Variants in CLINT1 observed in about 807,000 individuals in gnomAD.
CLINT1 encodes the protein clathrin interacting protein localized in the trans-Golgi region.
CLINT1 carries 15 observed loss-of-function variants against 70.4 expected under a neutral mutation model. The observed-to-expected ratio is 0.21, with a 90% CI of 0.14 to 0.33. The LOEUF is 0.33. CLINT1 is among the 10% of genes least tolerant of loss of function. The probability of loss-of-function intolerance (pLI) is 1.00; values close to 1 mark genes in which losing one functional copy is unlikely to be tolerated. For synonymous variants in CLINT1, 227 were observed against 254.7 expected (o/e 0.89, Z 1.04); for missense variants, 615 against 778.1 (o/e 0.79, Z 2.49).
intron 9 of CLINT1, among the ~76,000 whole-genome samples, chr5:157,794,073 T>C (rs1761997990): frequency 6.6e-6 from 1 of 151,560 alleles, no homozygotes; most frequent in African/African-American, 2.4e-5. Flanking sequence ...TAAAAAAAAA[T>C]AAAAAAGACA....
intron 3 of CLINT1, among the ~76,000 whole-genome samples, chr5:157,814,761 C>A (rs1414561745): frequency 6.6e-6 from 1 of 152,016 alleles, no homozygotes; most frequent in Non-Finnish European, 1.5e-5. Context: ...CCAGGCTCAG[C>A]GGCTCATGCC....
rs564079470 is a variant in CLINT1 at position 157,830,545 on chromosome 5, CT to C, written c.42-12999del. On this transcript the variant is annotated intron_variant, in intron 1 of 11. Transcript: ENST00000411809. ...TGCTTCACACTGCTTTTTAAAAATACTGTACTTCAAAAACATGGGTTTTTGT... is the reference window on the plus strand; with the variant it reads ...TGCTTCACACTGCTTTTTAAAAATACGTACTTCAAAAACATGGGTTTTTGT... Among the ~76,000 whole-genome samples, 359 of 152,014 alleles carry C rather than the reference CT, an allele frequency of 2.4e-3. 1 individual carries two copies. The highest frequency in any genetic ancestry group is 8.4e-3 in the African/African-American group (347 of 41,448).
chr5:157,831,895 T>G (rs1316015181), intron 1 of CLINT1, among the ~76,000 whole-genome samples: 2 of 151,986 alleles, frequency 1.3e-5, no homozygotes, highest in East Asian at 3.9e-4. Flanking sequence ...TTGCACCACG[T>G]TGGCCGGGAT....
chr5:157,858,467 C>T (rs546245591), intron 1 of CLINT1, among the ~76,000 whole-genome samples: 1 of 152,258 alleles, frequency 6.6e-6, no homozygotes, highest in African/African-American at 2.4e-5. Context: ...AAAGACACAC[C>T]CCAACCAGGT....
chr5:157,792,865 G>T (rs950027756), intron 9 of CLINT1, among the ~76,000 whole-genome samples: 2 of 152,150 alleles, frequency 1.3e-5, no homozygotes, highest in African/African-American at 4.8e-5. Flanking sequence ...AAAATGTGAA[G>T]AAAGAGCTAC....
intron 6 of CLINT1, among the ~76,000 whole-genome samples, chr5:157,807,248 A>G (rs1390658550): frequency 1.1e-4 from 16 of 152,130 alleles, no homozygotes; most frequent in Admixed American, 1.0e-3. Flanking sequence ...ATATATTTTT[A>G]TATATAAACA....
chr5:157,807,858 A>T (rs1762432879), intron 6 of CLINT1, among the ~76,000 whole-genome samples: 1 of 152,096 alleles, frequency 6.6e-6, no homozygotes, highest in Admixed American at 6.5e-5. Context: ...ACCAGCCTAC[A>T]TAGCGTTATT....
At chr5:157,802,138 G>A (rs1323099000) in intron 8 of CLINT1, among the ~76,000 whole-genome samples, 9 of 151,892 alleles carry the variant, frequency 5.9e-5, no homozygotes, top group African/African-American at 1.5e-4. Flanking sequence ...CAGGTGATCC[G>A]CCTGCCTCGG....
At chr5:157,790,729 A>G (rs1351174319) in intron 10 of CLINT1, 1 of 427,754 alleles carries the variant, frequency 2.3e-6, no homozygotes. Flanking sequence ...AGTTCCTGGT[A>G]CCATTCAGAC....
intron 1 of CLINT1, among the ~76,000 whole-genome samples, chr5:157,827,548 A>AT (rs1763078367): frequency 6.6e-6 from 1 of 152,230 alleles, no homozygotes; most frequent in Admixed American, 6.5e-5. Flanking sequence ...CTTGATCGCT[A>AT]TTAAACATGA....
Position 157,786,846 on chromosome 5 carries a change from C to T in CLINT1, c.*800G>A, listed in dbSNP as rs2113110500. 1 of 152,254 alleles carries T rather than the reference C, an allele frequency of 6.6e-6. No individual in the cohort carries two copies. The highest frequency in any genetic ancestry group is 1.5e-5 in the Non-Finnish European group (1 of 68,002). 9.4% of individuals were successfully genotyped at this position (152,254 alleles called of 1,614,324 possible). ...TACAGGGATAAACACGGAAGGAAGCCTTGCCAAGTTAATCACTGCAAATTG... is the reference window on the plus strand; with the variant it reads ...TACAGGGATAAACACGGAAGGAAGCTTTGCCAAGTTAATCACTGCAAATTG... On this transcript the variant is annotated 3_prime_UTR_variant, in exon 12 of 12. Transcript: ENST00000411809.
chr5:157,791,845 G>A lies in CLINT1; in HGVS notation c.1238C>T (p.Pro413Leu). 6.2e-7 allele frequency: 1 copy of A among 1,613,976 alleles called. No homozygotes were observed. Among genetic ancestry groups the A allele is most frequent in the South Asian group, 1.1e-5 (1 of 91,080 alleles). ...LVSGSQSALG[P>L]PPAASNSSDL... ...TGAAGAATTTGAGGCAGCAGGAGGT[G>A]GGCCTAGAGCTGATTGTGAGCCACT... Residue 413 changes from proline to leucine, a missense_variant, in exon 10 of 12, where the codon CCA becomes CTA. Physicochemically the swap from Pro to Leu is moderately conservative, Grantham distance 98 (BLOSUM62 -3). Coordinates refer to ENST00000411809, the MANE Select transcript of CLINT1 (RefSeq NM_014666.4).
chr5:157,830,792 C>A (rs867197279), intron 1 of CLINT1, among the ~76,000 whole-genome samples: 3,995 of 115,756 alleles, frequency 0.035, 98 homozygotes, highest in Admixed American at 0.065. Context: ...CTCTCTCTCT[C>A]TCTCTATATA....
chr5:157,833,016 C>T (rs1477869804), intron 1 of CLINT1, among the ~76,000 whole-genome samples: 1 of 152,108 alleles, frequency 6.6e-6, no homozygotes, highest in Non-Finnish European at 1.5e-5. Context: ...TGAAACTGAG[C>T]TCCTATTTTA....
chr5:157,787,673 A>G lies in CLINT1; in HGVS notation c.1851T>C (p.Phe617=). 1 of 1,613,008 alleles carries G rather than the reference A, an allele frequency of 6.2e-7. No individual in the cohort carries two copies. Among genetic ancestry groups the G allele is most frequent in the Non-Finnish European group, 8.5e-7 (1 of 1,179,412 alleles). The change falls in exon 12 of 12, where the codon TTT becomes TTC. Residue 617 remains phenylalanine, a synonymous_variant. Transcript: ENST00000411809. ...SGTVQPKQDA[F]ANFANFSK ...ATTTGCTAAAATTGGCGAAATTTGC[A>G]AAGGCATCTTGCTTGGGTTGCACAG...
rs139466673 is a variant in CLINT1, at chr5:157,804,714, C to T, written c.943-995G>A. On this transcript the variant is annotated intron_variant, in intron 7 of 11. Transcript: ENST00000411809. The stretch of plus-strand genomic sequence containing the variant: ...CCGAAGCAGGTGGATCACTTGAGGT[C>T]GGGAGTTCGAGACTAGCCTGACCAA... 3.4e-3 allele frequency among the ~76,000 whole-genome samples: 515 copies of T among 152,064 alleles called. 4 individuals carry two copies. Among genetic ancestry groups the T allele is most frequent in the African/African-American group, 0.012 (488 of 41,474 alleles).
chr5:157,799,318 T>C (rs773775749), intron 8 of CLINT1, among the ~76,000 whole-genome samples: 2 of 152,130 alleles, frequency 1.3e-5, no homozygotes, highest in Non-Finnish European at 2.9e-5. Flanking sequence ...AAGGTGAGTA[T>C]TTACATGTTC....
chr5:157,815,437 C>T (rs1762690455), intron 3 of CLINT1, among the ~76,000 whole-genome samples: 1 of 152,072 alleles, frequency 6.6e-6, no homozygotes, highest in South Asian at 2.1e-4. Flanking sequence ...GTTACTCCTA[C>T]AAAACTTTGT....
intron 1 of CLINT1, among the ~76,000 whole-genome samples, chr5:157,828,382 G>T (rs1763103487): frequency 6.6e-6 from 1 of 152,154 alleles, no homozygotes. Flanking sequence ...AACAATGTAA[G>T]CAACAGAGCA....
Sources: allele counts gnomAD v4.1 joint callset (sites outside exome capture counted in the v4.1 genomes callset), GRCh38; gene constraint gnomAD v4.1.1; transcripts MANE v1.5; gene names NCBI Gene and HGNC (gene_info 2026-07-23, HGNC 2026-07-21).